GABRG1: variants seen among roughly 807,000 people sequenced by gnomAD.
GABRG1 encodes gamma-aminobutyric acid type A receptor subunit gamma1.
In GABRG1, 49 loss-of-function variants were observed where a neutral mutation model predicts 49.8. The ratio of observed to expected loss-of-function variants is 0.98; its 90% confidence interval spans 0.78 to 1.25. GABRG1 has a LOEUF of 1.25. Among genes scored for constraint, GABRG1 ranks in the 50% most tolerant of loss-of-function variants. The pLI is 0.00. For synonymous variants in GABRG1, 232 were observed against 185.1 expected (o/e 1.25, Z -2.06); for missense variants, 552 against 552.3 (o/e 1.00, Z 0.01).
In GABRG1 at chr4:46,058,385, G is replaced by A. The variant is rs557084864; in HGVS notation, c.764-16C>T. On this transcript the variant is annotated splice_polypyrimidine_tract_variant and intron_variant, in intron 6 of 8. Transcript: ENST00000295452. ...ACATAATCCCCTGTAAGAAAAAAAA[G>A]TTTTATTTTGGCTATATAATATAAA... is the stretch of plus-strand genomic sequence containing the variant. 27 of 1,598,484 alleles carry A rather than the reference G, an allele frequency of 1.7e-5. No individual in the cohort carries two copies. The African/African-American group carries it at 3.2e-4, about 19-fold the overall frequency.
intron 3 of GABRG1, among the ~76,000 whole-genome samples, chr4:46,072,744 T>A (rs1279129155): frequency 6.6e-6 from 1 of 152,120 alleles, no homozygotes; most frequent in Middle Eastern, 3.2e-3. Context: ...TATTGAGTGA[T>A]GTTTCAAGAA....
chr4:46,056,151 T>TAAAAAAAAAAAAAAAAAAA (rs1182116080), intron 7 of GABRG1, among the ~76,000 whole-genome samples: 2 of 9,146 alleles, frequency 2.2e-4, no homozygotes, highest in Non-Finnish European at 3.2e-4. Context: ...ATAAATAAAT[T>TAAAAAAAAAAAAAAAAAAA]AAAAAAAAAA....
At chr4:46,106,944 G>A (rs9291280) in intron 1 of GABRG1, among the ~76,000 whole-genome samples, 61,448 of 150,920 alleles carry the variant, frequency 0.41, 12,764 homozygotes, top group Non-Finnish European at 0.45. Context: ...TACAAAGTAG[G>A]TGTATATATT....
chr4:46,045,679 A>G (rs1717967619), intron 8 of GABRG1, among the ~76,000 whole-genome samples: 1 of 152,058 alleles, frequency 6.6e-6, no homozygotes, highest in Non-Finnish European at 1.5e-5. Context: ...TGAATTCAGA[A>G]GTAGAGATTT....
chr4:46,097,201 C>T lies in GABRG1; in HGVS notation c.253G>A (p.Val85Met), dbSNP rs753951429. 6.3e-7 allele frequency: 1 copy of T among 1,598,262 alleles called. No individual in the cohort carries two copies. The highest frequency in any genetic ancestry group is 8.5e-7 in the Non-Finnish European group (1 of 1,172,966). Residue 85 changes from valine (V) to methionine (M), a missense_variant and splice_region_variant, in exon 2 of 9, where the codon GTG becomes ATG. Val to Met is a conservative substitution (Grantham distance 21). Transcript: ENST00000295452. ...YDNKLRPDIG[V>M]RPTVIETDVY... ...TCCCAGAATGGTAACTCAAGCTTAC[C>T]TCCTATATCTGGACGAAGTTTATTG...
chr4:46,109,448 C>G (rs1337634030), intron 1 of GABRG1, among the ~76,000 whole-genome samples: 1 of 150,734 alleles, frequency 6.6e-6, no homozygotes, highest in Admixed American at 6.6e-5. Context: ...GTCCATCAAT[C>G]TTGTTTATCA....
intron 1 of GABRG1, among the ~76,000 whole-genome samples, chr4:46,109,951 G>A (rs185939837): frequency 6.6e-6 from 1 of 151,194 alleles, no homozygotes; most frequent in Non-Finnish European, 1.5e-5. Context: ...TGATCTTGGA[G>A]TAGGTTCCAT....
At chr4:46,057,991 A>G (rs1395321865) in intron 7 of GABRG1, among the ~76,000 whole-genome samples, 1 of 152,108 alleles carries the variant, frequency 6.6e-6, no homozygotes, top group East Asian at 1.9e-4. Context: ...CATTAGCAGA[A>G]AAAAGAAGGA....
chr4:46,070,137 C>A (rs968448714), intron 3 of GABRG1, among the ~76,000 whole-genome samples: 1 of 151,924 alleles, frequency 6.6e-6, no homozygotes, highest in Non-Finnish European at 1.5e-5. Context: ...TTTTTAGCAA[C>A]TATTATCTAA....
chr4:46,051,501 C>A lies in GABRG1; in HGVS notation c.1054G>T (p.Gly352Ter). 1 of 1,611,252 alleles carries A rather than the reference C, an allele frequency of 6.2e-7. No homozygotes were observed. The highest frequency in any genetic ancestry group is 8.5e-7 in the Non-Finnish European group (1 of 1,178,394). Residue 352 changes from glycine to a stop codon, truncating the protein, a stop_gained, in exon 8 of 9, where the codon GGA becomes TGA. Transcript: ENST00000295452. LOFTEE classifies it high-confidence loss of function. ...TTGCTGGTAAAATAATGCAAGGTTC[C>A]ATATTCCATCAAGGCTGCAAAAACA... ...IFVFAALMEY[G>*]TLHYFTSNQK... is the part of the protein sequence containing the mutation.
At chr4:46,066,061 A>T (rs1718910175) in intron 3 of GABRG1, among the ~76,000 whole-genome samples, 2 of 152,148 alleles carry the variant, frequency 1.3e-5, no homozygotes, top group South Asian at 2.1e-4. Context: ...GTAAAATGAA[A>T]TCCAAGATTT....
intron 5 of GABRG1, among the ~76,000 whole-genome samples, chr4:46,061,719 C>T (rs1163802304): frequency 4.7e-5 from 7 of 149,104 alleles, no homozygotes; most frequent in Non-Finnish European, 8.9e-5. Flanking sequence ...TGATATTATA[C>T]AGTAGGAAAG....
intron 3 of GABRG1, among the ~76,000 whole-genome samples, chr4:46,078,549 G>A (rs370888891): frequency 6.6e-6 from 1 of 151,882 alleles, no homozygotes; most frequent in Non-Finnish European, 1.5e-5. Flanking sequence ...GGAACCAATT[G>A]CATGAACCAC....
At chr4:46,123,089 C>G (rs1212275388) in intron 1 of GABRG1, among the ~76,000 whole-genome samples, 1 of 140,184 alleles carries the variant, frequency 7.1e-6, no homozygotes, top group African/African-American at 2.7e-5. Context: ...CTCTCTCTGT[C>G]CCATACACAC....
chr4:46,123,258 A>T (rs1197890510), intron 1 of GABRG1, among the ~76,000 whole-genome samples: 1 of 151,972 alleles, frequency 6.6e-6, no homozygotes, highest in African/African-American at 2.4e-5. Context: ...TTTTACTTGG[A>T]TACTATACAT....
chr4:46,106,309 G>C (rs1390481606), intron 1 of GABRG1, among the ~76,000 whole-genome samples: 2 of 151,500 alleles, frequency 1.3e-5, no homozygotes, highest in East Asian at 2.0e-4. Flanking sequence ...CAGCTTTCCT[G>C]ATGTTTGGTT....
intron 8 of GABRG1, among the ~76,000 whole-genome samples, chr4:46,042,112 T>C (rs1717810726): frequency 6.6e-6 from 1 of 152,094 alleles, no homozygotes; most frequent in Admixed American, 6.6e-5. Context: ...TTTGCTTGAT[T>C]ATTAAATGGG....
rs2109389287 is a variant in GABRG1 at position 46,039,686 on chromosome 4, G to A, written c.*1302C>T. On this transcript the variant is annotated 3_prime_UTR_variant, in exon 9 of 9. Transcript: ENST00000295452. ...TACTTACAGGATTATAATGATTGAA[G>A]CCTAAATTTATTCTTAACAAAAGAG... 6.6e-6 allele frequency: 1 copy of A among 151,734 alleles called. No individual in the cohort carries two copies. Among genetic ancestry groups the A allele is most frequent in the South Asian group, 2.1e-4 (1 of 4,824 alleles). The allele number at this position is 151,734 out of a possible 1,614,324, so 9.4% of individuals were successfully genotyped here.
intron 3 of GABRG1, among the ~76,000 whole-genome samples, chr4:46,068,016 A>G (rs1410312177): frequency 6.6e-6 from 1 of 152,074 alleles, no homozygotes; most frequent in Non-Finnish European, 1.5e-5. Context: ...TGTCTTTGGA[A>G]TCAATTATAA....
Sources: allele counts gnomAD v4.1 joint callset (sites outside exome capture counted in the v4.1 genomes callset), GRCh38; gene constraint gnomAD v4.1.1; transcripts MANE v1.5; gene names NCBI Gene and HGNC (gene_info 2026-07-23, HGNC 2026-07-21).